ARHGAP35: variants seen among roughly 807,000 people sequenced by gnomAD.
ARHGAP35 encodes the protein Rho GTPase activating protein 35.
ARHGAP35 carries 15 observed loss-of-function variants against 111.1 expected under a neutral mutation model. That is an observed-to-expected ratio of 0.13 (90% CI 0.09 to 0.21). The LOEUF (loss-of-function observed/expected upper bound fraction) is 0.21, where lower values mean the gene tolerates loss of function less well. Ranked by LOEUF, ARHGAP35 falls within the 10% of genes least tolerant of loss-of-function variation. The pLI is 1.00. For synonymous variants in ARHGAP35, 643 were observed against 710.3 expected, an observed-to-expected ratio of 0.91 and a Z score of 1.51; for missense variants, 1,262 against 1,873.0, an observed-to-expected ratio of 0.67 and a Z score of 6.02.
In ARHGAP35 at chr19:46,988,391, G is replaced by C. The variant is rs894654568; in HGVS notation, c.3904+325G>C. On this transcript the variant is annotated intron_variant, in intron 4 of 6. Coordinates refer to ENST00000672722, the MANE Select transcript of ARHGAP35 (RefSeq NM_004491.5). This position sits in a 1 kb window ranked among gnomAD's most constrained non-coding sequence, Gnocchi z 5.4. ...AGCTTTGCCTGTTTTCCCATGCAGA[G>C]CTAGTTGCAGGCACATGATATACAA... is the stretch of plus-strand genomic sequence containing the variant. The C allele has an allele frequency of 5.6e-5, 18 of 319,618 alleles. No homozygotes were observed. The highest frequency in any genetic ancestry group is 3.5e-4 in the Admixed American group (8 of 23,052). 19.8% of individuals were successfully genotyped at this position (319,618 alleles called of 1,614,324 possible).
At chr19:46,869,260 T>G (rs2055874893) in intron 1 of ARHGAP35, among the ~76,000 whole-genome samples, 1 of 152,146 alleles carries the variant, frequency 6.6e-6, no homozygotes, top group South Asian at 2.1e-4. Context: ...AGTCTAAAAG[T>G]ATGCTGGTTA....
rs1389372978 is a variant in ARHGAP35, at chr19:46,908,167, C to CT, written c.-188-10315dup. On this transcript the variant is annotated intron_variant, in intron 1 of 6. Transcript: ENST00000672722. This position sits in a 1 kb window ranked among gnomAD's most constrained non-coding sequence, Gnocchi z 4.2. The stretch of plus-strand genomic sequence containing the variant: ...ATAGAGAATGTTCTTTCAAAAAGAA[C>CT]TTTTTTCCTAGTGAGAAGTTTTAAA... 2.0e-5 allele frequency among the ~76,000 whole-genome samples: 3 copies of CT among 152,088 alleles called. No homozygotes were observed. Among genetic ancestry groups the CT allele is most frequent in the Non-Finnish European group, 4.4e-5 (3 of 68,008 alleles).
At chr19:46,906,066 C>T (rs2056106083) in intron 1 of ARHGAP35, among the ~76,000 whole-genome samples, 1 of 152,004 alleles carries the variant, frequency 6.6e-6, no homozygotes, top group Non-Finnish European at 1.5e-5. Flanking sequence ...CCTGTGACTC[C>T]AGCACTTTGG....
At chr19:46,975,284 A>G (rs746497897) in intron 3 of ARHGAP35, among the ~76,000 whole-genome samples, 17 of 152,106 alleles carry the variant, frequency 1.1e-4, no homozygotes, top group Non-Finnish European at 2.5e-4. Context: ...TATTTCTTCT[A>G]CTACACTGCC....
At chr19:46,971,889 A>C (rs2122294994) in intron 3 of ARHGAP35, among the ~76,000 whole-genome samples, 1 of 152,330 alleles carries the variant, frequency 6.6e-6, no homozygotes, top group Admixed American at 6.5e-5. Context: ...AATAACTCCC[A>C]ATGTTAAGAA....
chr19:46,997,918 C>T (rs545536448), intron 5 of ARHGAP35, among the ~76,000 whole-genome samples: 158 of 151,974 alleles, frequency 1.0e-3, no homozygotes, highest in Non-Finnish European at 1.9e-3. Context: ...CTAGCTAACA[C>T]GGTGAAACCC....
At chr19:46,933,442 CCAGCTAGTGTGCTTTTATT>C (rs2122219406) in intron 2 of ARHGAP35, among the ~76,000 whole-genome samples, 1 of 152,204 alleles carries the variant, frequency 6.6e-6, no homozygotes, top group Non-Finnish European at 1.5e-5. Flanking sequence ...GCCACCAAGC[CCAGCTAGTGTGCTTTTATT>C]CACTTACTCA....
chr19:46,975,898 C>T (rs1185414544), intron 3 of ARHGAP35, among the ~76,000 whole-genome samples: 2 of 152,216 alleles, frequency 1.3e-5, no homozygotes, highest in Admixed American at 6.5e-5. Context: ...TCCCTGCAGT[C>T]AGCCTAGATC....
At chr19:46,964,507 A>G (rs2056502028) in intron 3 of ARHGAP35, among the ~76,000 whole-genome samples, 1 of 152,146 alleles carries the variant, frequency 6.6e-6, no homozygotes, top group East Asian at 1.9e-4. Flanking sequence ...ATCCTCCCAC[A>G]TCAGCCTCCT....
At chr19:46,913,252 T>TGCTGTGTTGGAAGAGTGATACACAC (rs1009041128) in intron 1 of ARHGAP35, among the ~76,000 whole-genome samples, 1 of 150,026 alleles carries the variant, frequency 6.7e-6, no homozygotes, top group Admixed American at 6.7e-5. Flanking sequence ...GGGATGAGGT[T>TGCTGTGTTGGAAGAGTGATACACAC]GCTGTGTTGG....
intron 3 of ARHGAP35, among the ~76,000 whole-genome samples, chr19:46,979,698 G>A (rs1460211172): frequency 5.3e-5 from 8 of 152,168 alleles, no homozygotes; most frequent in African/African-American, 1.7e-4. Flanking sequence ...GGCCGTGTGC[G>A]CATCGCTGGC....
At chr19:46,887,997 G>A (rs1773398019) in intron 1 of ARHGAP35, among the ~76,000 whole-genome samples, 2 of 150,026 alleles carry the variant, frequency 1.3e-5, no homozygotes, top group South Asian at 2.1e-4. Flanking sequence ...TGTTGCCCAG[G>A]CTGGAGTGCA....
At chr19:46,874,693 C>T (rs1057225336) in intron 1 of ARHGAP35, among the ~76,000 whole-genome samples, 17 of 150,468 alleles carry the variant, frequency 1.1e-4, no homozygotes, top group Admixed American at 2.7e-4. Flanking sequence ...TTGATAGAGA[C>T]GGAGTTTCAC....
intron 3 of ARHGAP35, chr19:46,946,464 AGGCTCTGCCTCTCAGGGCAGCACCT>A (rs1207050185): frequency 1.3e-5 from 2 of 152,236 alleles, no homozygotes; most frequent in African/African-American, 4.8e-5. Context: ...GGCAGAACCC[AGGCTCTGCCTCTCAGGGCAGCACCT>A]ACCTGTCATA....
chr19:46,872,724 C>T (rs2055894283), intron 1 of ARHGAP35, among the ~76,000 whole-genome samples: 1 of 151,438 alleles, frequency 6.6e-6, no homozygotes, highest in African/African-American at 2.4e-5. Context: ...ACTAAAAATA[C>T]AAAAAAATTA....
At chr19:46,898,564 T>G (rs1328296789) in intron 1 of ARHGAP35, among the ~76,000 whole-genome samples, 1 of 152,232 alleles carries the variant, frequency 6.6e-6, no homozygotes, top group Non-Finnish European at 1.5e-5. Flanking sequence ...CTGTTTTTAT[T>G]TCCTCATTCT....
intron 1 of ARHGAP35, among the ~76,000 whole-genome samples, chr19:46,897,656 G>A (rs1332850732): frequency 6.7e-6 from 1 of 149,560 alleles, no homozygotes; most frequent in Non-Finnish European, 1.5e-5. Flanking sequence ...TGTGTTCTAG[G>A]CAGTTTTTGT....
chr19:46,904,696 T>C (rs1399734229), intron 1 of ARHGAP35, among the ~76,000 whole-genome samples: 1 of 152,186 alleles, frequency 6.6e-6, no homozygotes. Flanking sequence ...GAAGCGTTTA[T>C]CCAGTGGATG....
intron 3 of ARHGAP35, among the ~76,000 whole-genome samples, chr19:46,951,286 A>G (rs578131266): frequency 2.6e-5 from 4 of 152,338 alleles, no homozygotes; most frequent in African/African-American, 9.6e-5. Context: ...AGACAGCCTC[A>G]TAACAAATAC....
Sources: gnomAD v4.1 joint callset for allele counts (sites outside exome capture counted in the v4.1 genomes callset) on GRCh38, gnomAD v4.1.1 for gene constraint, Gnocchi (gnomAD v3.1) non-coding constraint, MANE v1.5 for transcripts, NCBI Gene and HGNC (gene_info 2026-07-23, HGNC 2026-07-21) for gene names.